PCSK6: variants seen among roughly 807,000 people sequenced by gnomAD.
PCSK6 encodes proprotein convertase subtilisin/kexin type 6, also known as paired basic amino acid cleaving enzyme 4.
A neutral mutation model predicts 123.3 loss-of-function variants in PCSK6; 85 were observed. The ratio of observed to expected loss-of-function variants is 0.69; its 90% CI spans 0.58 to 0.83. The LOEUF (loss-of-function observed/expected upper bound fraction) is 0.83. Ranked by LOEUF, PCSK6 falls within the 40% of genes least tolerant of loss-of-function variation. PCSK6 has a pLI of 0.00. For synonymous variants in PCSK6, 508 were observed against 516.0 expected, an observed-to-expected ratio of 0.98 and a Z score of 0.21; for missense variants, 1,191 against 1,282.3, an observed-to-expected ratio of 0.93 and a Z score of 1.09.
At chr15:101,363,949 A>G (rs1414810962) in intron 13 of PCSK6, among the ~76,000 whole-genome samples, 1 of 152,098 alleles carries the variant, frequency 6.6e-6, no homozygotes, top group East Asian at 1.9e-4. Flanking sequence ...ACGCTTTCTT[A>G]AAATAGTTAT....
chr15:101,431,486 GT>G, intron 3 of PCSK6, 23 bp from the exon 4 acceptor site: 1 of 1,613,096 alleles, frequency 6.2e-7, no homozygotes, highest in Non-Finnish European at 8.5e-7. Flanking sequence ...AAGACACAAA[GT>G]CCCCCCGACA....
At chr15:101,433,406 T>C (rs2056506282) in intron 2 of PCSK6, among the ~76,000 whole-genome samples, 2 of 152,230 alleles carry the variant, frequency 1.3e-5, no homozygotes, top group African/African-American at 4.8e-5. Flanking sequence ...TCTTTGGTCT[T>C]ACCACGGCAG....
At chr15:101,455,146 C>G (rs968319705) in intron 1 of PCSK6, among the ~76,000 whole-genome samples, 1 of 138,696 alleles carries the variant, frequency 7.2e-6, no homozygotes, top group Non-Finnish European at 1.7e-5. Context: ...GTGTATTTGA[C>G]CACAGCAAAC....
At chr15:101,425,239 G>A (rs2056216909) in intron 6 of PCSK6, among the ~76,000 whole-genome samples, 1 of 152,158 alleles carries the variant, frequency 6.6e-6, no homozygotes, top group Admixed American at 6.5e-5. Flanking sequence ...GTAGGTGTGG[G>A]GTTGAGGCTG....
At chr15:101,392,101 G>A (rs187100921) in intron 8 of PCSK6, among the ~76,000 whole-genome samples, 8 of 152,290 alleles carry the variant, frequency 5.3e-5, no homozygotes, top group South Asian at 2.1e-4. Context: ...TAGCAAATTC[G>A]AACCTGCATC....
chr15:101,421,630 C>T (rs75460919), intron 6 of PCSK6, among the ~76,000 whole-genome samples: 1 of 152,336 alleles, frequency 6.6e-6, no homozygotes, highest in East Asian at 1.9e-4. Flanking sequence ...GAATCAGGGA[C>T]TCCAGCCAAC....
At chr15:101,420,099 G>A (rs902636647) in intron 6 of PCSK6, among the ~76,000 whole-genome samples, 5 of 149,882 alleles carry the variant, frequency 3.3e-5, no homozygotes, top group East Asian at 2.1e-4. Flanking sequence ...GCTGAGGCAG[G>A]AGAATTGCTT....
intron 20 of PCSK6, among the ~76,000 whole-genome samples, chr15:101,310,353 G>A (rs2039827416): frequency 6.6e-6 from 1 of 152,138 alleles, no homozygotes; most frequent in African/African-American, 2.4e-5. Context: ...GCCTCCTGAG[G>A]GGCAAAGAGA....
intron 13 of PCSK6, chr15:101,346,913 C>T (rs755123126): frequency 2.4e-5 from 29 of 1,231,544 alleles, no homozygotes; most frequent in Admixed American, 4.2e-5. Flanking sequence ...ATACATACTT[C>T]TTTTTTTCTC....
intron 13 of PCSK6, among the ~76,000 whole-genome samples, chr15:101,344,120 TG>T (rs971451960): frequency 6.0e-4 from 91 of 152,284 alleles, no homozygotes; most frequent in African/African-American, 2.1e-3. Context: ...ATTATTCTGT[TG>T]TTTGGCACAG....
chr15:101,430,523 C>T (rs1471850133), intron 4 of PCSK6, among the ~76,000 whole-genome samples: 1 of 152,214 alleles, frequency 6.6e-6, no homozygotes, highest in Non-Finnish European at 1.5e-5. Flanking sequence ...CACGTTTCCA[C>T]GTGGGTCAGG....
At position 101,314,846 on chromosome 15, in the gene PCSK6, G is replaced by A. The variant is rs572424822; in HGVS notation, c.2570-1341C>T. 5.9e-5 allele frequency among the ~76,000 whole-genome samples: 9 copies of A among 152,314 alleles called. No homozygotes were observed. In the East Asian group the frequency reaches 7.7e-4, roughly 13 times the overall value. On this transcript the variant is annotated intron_variant, in intron 19 of 21. Transcript: ENST00000611716. Reference sequence around the variant, plus strand: ...GGTGGAAGAGCTGTGCCCCGGGGGCGGGACTCTGTCTGGTTTATGTTGTTC... The same window carrying A: ...GGTGGAAGAGCTGTGCCCCGGGGGCAGGACTCTGTCTGGTTTATGTTGTTC...
In PCSK6 at chr15:101,475,890, G is replaced by C. The variant is rs138488046; in HGVS notation, c.297+13484C>G. ...ATAAGAACTGGCAAATATGACAATT[G>C]GTCATCACTACACAAAATCGGTGGG... On this transcript the variant is annotated intron_variant, in intron 1 of 21. Coordinates refer to ENST00000611716, the MANE Select transcript of PCSK6 (RefSeq NM_002570.5). 2.6e-3 allele frequency among the ~76,000 whole-genome samples: 398 copies of C among 152,258 alleles called. 2 individuals carry two copies. Among genetic ancestry groups the C allele is most frequent in the African/African-American group, 8.9e-3 (371 of 41,550 alleles).
chr15:101,349,551 C>T (rs946464062), intron 13 of PCSK6, among the ~76,000 whole-genome samples: 6 of 152,166 alleles, frequency 3.9e-5, no homozygotes, highest in African/African-American at 1.4e-4. Flanking sequence ...GCAAATGGAC[C>T]AATTCCTAAA....
intron 13 of PCSK6, among the ~76,000 whole-genome samples, chr15:101,364,306 T>A (rs1176448112): frequency 6.6e-6 from 1 of 152,196 alleles, no homozygotes; most frequent in Non-Finnish European, 1.5e-5. Context: ...CTGTAAACGT[T>A]ACTATGCATT....
intron 1 of PCSK6, among the ~76,000 whole-genome samples, chr15:101,449,098 G>A (rs1438848611): frequency 1.3e-5 from 2 of 152,080 alleles, no homozygotes; most frequent in African/African-American, 2.4e-5. Flanking sequence ...TCCGTGGGGG[G>A]CTGGTTCCAG....
chr15:101,483,974 CTTTTT>C (rs1292237673), intron 1 of PCSK6, among the ~76,000 whole-genome samples: 1 of 152,026 alleles, frequency 6.6e-6, no homozygotes, highest in African/African-American at 2.4e-5. Context: ...TCTCCCTTTT[CTTTTT>C]TCTCTCTTCA....
chr15:101,312,939 A>G (rs1171939679), intron 20 of PCSK6: 4 of 678,916 alleles, frequency 5.9e-6, no homozygotes, highest in Non-Finnish European at 7.6e-6. Flanking sequence ...CCAGAGGCAG[A>G]GGTTGCAGTG....
At chr15:101,430,782 G>A (rs1042842237) in intron 4 of PCSK6, among the ~76,000 whole-genome samples, 2 of 152,182 alleles carry the variant, frequency 1.3e-5, no homozygotes, top group African/African-American at 2.4e-5. Flanking sequence ...TGATATTTAC[G>A]ATATGCCAAG....
Sources: gnomAD v4.1 joint callset for allele counts (sites outside exome capture counted in the v4.1 genomes callset) on GRCh38, gnomAD v4.1.1 for gene constraint, MANE v1.5 for transcripts, NCBI Gene and HGNC (gene_info 2026-07-23, HGNC 2026-07-21) for gene names.